The following HSPA14 variants were observed in gnomAD, a reference collection of about 807,000 sequenced individuals.
The protein encoded by HSPA14 is heat shock protein family A (Hsp70) member 14, also known as heat shock 70 kDa protein 14.
In HSPA14, 37 loss-of-function variants were observed where a neutral mutation model predicts 65.5. The observed-to-expected ratio is 0.56, with a 90% CI of 0.43 to 0.74. The LOEUF is 0.74. HSPA14 is among the 30% of genes least tolerant of loss of function. HSPA14 has a pLI of 0.00. For synonymous variants in HSPA14, 203 were observed against 214.2 expected (o/e 0.95, Z 0.46); for missense variants, 564 against 607.6 (o/e 0.93, Z 0.75).
At position 14,867,173 on chromosome 10, in the gene HSPA14, C is replaced by T; in HGVS notation, c.1084C>T (p.Pro362Ser). 1 of 1,613,248 alleles carries T rather than the reference C, an allele frequency of 6.2e-7. No individual in the cohort carries two copies. The highest frequency in any genetic ancestry group is 1.3e-5 in the African/African-American group (1 of 74,996). Residue 362 changes from proline to serine, a missense_variant, in exon 11 of 14, where the codon CCT becomes TCT. Physicochemically the swap from Pro to Ser is moderately conservative, Grantham distance 74. Coordinates refer to ENST00000378372, the MANE Select transcript of HSPA14 (RefSeq NM_016299.4). ...AGCTGTTGAGCTTCTCAATTCTATCCCTCCTGATGAAGTGATCCCTATTGG... is the reference window on the plus strand; with the variant it reads ...AGCTGTTGAGCTTCTCAATTCTATCTCTCCTGATGAAGTGATCCCTATTGG... Reference protein sequence around the residue: ...FPAVELLNSIPPDEVIPIGAA... With the variant: ...FPAVELLNSISPDEVIPIGAA...
At chr10:14,853,718 T>G (rs1214253788) in intron 8 of HSPA14, among the ~76,000 whole-genome samples, 1 of 151,904 alleles carries the variant, frequency 6.6e-6, no homozygotes, top group African/African-American at 2.4e-5. Flanking sequence ...CTAATTTATT[T>G]TATTTATTTA....
intron 10 of HSPA14, among the ~76,000 whole-genome samples, chr10:14,859,910 TAA>T (rs938448353): frequency 2.0e-5 from 3 of 152,222 alleles, no homozygotes; most frequent in African/African-American, 7.2e-5. Context: ...TCAACTTACA[TAA>T]AGTCTCATTT....
At chr10:14,857,903 G>A (rs1183725795) in intron 10 of HSPA14, among the ~76,000 whole-genome samples, 1 of 144,590 alleles carries the variant, frequency 6.9e-6, no homozygotes, top group Non-Finnish European at 1.5e-5. Context: ...TATATATTTT[G>A]TTTTTTTTTT....
intron 3 of HSPA14, among the ~76,000 whole-genome samples, chr10:14,847,292 A>G (rs1834067503): frequency 6.6e-6 from 1 of 152,218 alleles, no homozygotes; most frequent in Non-Finnish European, 1.5e-5. Flanking sequence ...CTTAAATTCT[A>G]AAGAAAACAG....
rs1279803339 is a variant in HSPA14 at position 14,842,713 on chromosome 10, G to A, written c.221+2556G>A. ...GAACCGGCATTCTAAAATCAAAAAG[G>A]ACTCAGGCAGCTGATCATCAGCCTA... On this transcript the variant is annotated intron_variant, in intron 3 of 13. Coordinates refer to ENST00000378372, the MANE Select transcript of HSPA14 (RefSeq NM_016299.4). The surrounding 1 kb of genome is among the most constrained non-coding windows in gnomAD (Gnocchi z 5.2). The A allele has an allele frequency of 2.0e-6, 3 of 1,536,478 alleles. No individual in the cohort carries two copies. Among genetic ancestry groups the A allele is most frequent in the Non-Finnish European group, 1.7e-6 (2 of 1,146,994 alleles).
At chr10:14,866,351 G>A (rs1434762690) in intron 10 of HSPA14, among the ~76,000 whole-genome samples, 1 of 152,154 alleles carries the variant, frequency 6.6e-6, no homozygotes, top group Non-Finnish European at 1.5e-5. Context: ...TCATCAGGTG[G>A]TCCTCTGCCT....
At chr10:14,838,952 G>A (rs12768577) in intron 1 of HSPA14, among the ~76,000 whole-genome samples, 1 of 152,188 alleles carries the variant, frequency 6.6e-6, no homozygotes, top group Non-Finnish European at 1.5e-5. Context: ...GAGGTACTTG[G>A]AGGCGGTGGT....
At chr10:14,840,385 T>G (rs1302236426) in intron 3 of HSPA14, among the ~76,000 whole-genome samples, 1 of 152,196 alleles carries the variant, frequency 6.6e-6, no homozygotes, top group Non-Finnish European at 1.5e-5. Context: ...ACAGGTCAAT[T>G]TGGTAATTTG....
rs781545534 is a variant in HSPA14 at position 14,867,864 on chromosome 10, G to A, written c.1335G>A (p.Glu445=). 7.4e-6 allele frequency: 12 copies of A among 1,614,058 alleles called. No individual in the cohort carries two copies. The East Asian group carries it at 2.0e-4, about 27-fold the overall frequency. The change falls in exon 12 of 14, where the codon GAG becomes GAA. Residue 445 remains glutamate, a synonymous_variant. Transcript: ENST00000378372. ...CTTCAGTGTGCCTTGAACTCTATGAGTCTGATGGGAAGAACTCTGCCAAAG... is the reference window on the plus strand; with the variant it reads ...CTTCAGTGTGCCTTGAACTCTATGAATCTGATGGGAAGAACTCTGCCAAAG... ...SISSVCLELY[E]SDGKNSAKEE... is the part of the protein sequence containing the mutation.
chr10:14,869,737 T>C (rs1191453982), intron 12 of HSPA14, among the ~76,000 whole-genome samples: 2 of 152,244 alleles, frequency 1.3e-5, no homozygotes, highest in Non-Finnish European at 2.9e-5. Context: ...TTTGTGTGTG[T>C]CTAAGAACCT....
Position 14,851,264 on chromosome 10 carries a change from C to T in HSPA14, c.513C>T (p.His171=), listed in dbSNP as rs761810912. 1.5e-5 allele frequency: 24 copies of T among 1,612,232 alleles called. No individual in the cohort carries two copies. The highest frequency in any genetic ancestry group is 3.3e-5 in the South Asian group (3 of 90,922). Residue 171 remains histidine, a synonymous_variant, in exon 7 of 14, where the codon CAC becomes CAT. Transcript: ENST00000378372. ...GATTTAATGTTTTGCGATTAATTCACGAACCGTCTGCAGCTCTTCTTGCTT... is the reference window on the plus strand; with the variant it reads ...GATTTAATGTTTTGCGATTAATTCATGAACCGTCTGCAGCTCTTCTTGCTT... ...AAGFNVLRLI[H]EPSAALLAYG...
Position 14,842,296 on chromosome 10 carries a change from C to T in HSPA14, c.221+2139C>T, listed in dbSNP as rs780595447. On this transcript the variant is annotated intron_variant, in intron 3 of 13. Transcript: ENST00000378372. The surrounding 1 kb of genome is among the most constrained non-coding windows in gnomAD (Gnocchi z 5.2). ...CTTTCCAACCCACAATGGCCAGTGC[C>T]AATAGCAGTGCGGGCATCCGGTGGT... is the stretch of plus-strand genomic sequence containing the variant. The T allele has an allele frequency of 2.0e-6, 3 of 1,535,772 alleles. No homozygotes were observed. The South Asian group carries it at 3.6e-5, about 18-fold the overall frequency.
chr10:14,854,387 A>G lies in HSPA14; in HGVS notation c.890+107A>G, dbSNP rs995093021. ...TTGTTTGTTTGTTTGAGATTTATCA[A>G]CCATCTATAATGTCTTCACTTTATT... On this transcript the variant is annotated intron_variant, in intron 9 of 13. Transcript: ENST00000378372. 4.5e-6 allele frequency: 4 copies of G among 890,484 alleles called. No individual in the cohort carries two copies. In the African/African-American group the frequency reaches 5.1e-5, roughly 11 times the overall value. The allele number at this position is 890,484 out of a possible 1,614,324, so 55.2% of individuals were successfully genotyped here.
chr10:14,869,367 G>C (rs1375028726), intron 12 of HSPA14, among the ~76,000 whole-genome samples: 2 of 151,416 alleles, frequency 1.3e-5, no homozygotes, highest in African/African-American at 4.9e-5. Flanking sequence ...CATGATTTCA[G>C]CTCACTGCAA....
At chr10:14,839,865 AC>A in intron 1 of HSPA14, 39 bp from the exon 2 acceptor site, 1 of 1,466,328 alleles carries the variant, frequency 6.8e-7, no homozygotes. Context: ...ACGTCTGAAT[AC>A]GTCTAATGAG....
At chr10:14,864,321 T>A (rs896509033) in intron 10 of HSPA14, among the ~76,000 whole-genome samples, 37 of 151,108 alleles carry the variant, frequency 2.4e-4, no homozygotes, top group Non-Finnish European at 4.7e-4. Context: ...ACTTACTTTT[T>A]TTTTTATTTT....
chr10:14,838,584 G>A (rs1833922858), intron 1 of HSPA14, 125 bp downstream of exon 1: 3 of 941,754 alleles, frequency 3.2e-6, no homozygotes, highest in Non-Finnish European at 4.6e-6. Context: ...GCGTTGCCGC[G>A]AGGACACTCC....
intron 3 of HSPA14, among the ~76,000 whole-genome samples, chr10:14,847,194 G>A (rs1834065935): frequency 6.6e-6 from 1 of 152,096 alleles, no homozygotes. Flanking sequence ...TAAGAGTTCT[G>A]TAAATTCTGT....
At chr10:14,839,755 G>T in intron 1 of HSPA14, 150 bp from the exon 2 acceptor site, 1 of 451,150 alleles carries the variant, frequency 2.2e-6, no homozygotes, top group East Asian at 3.6e-5. Flanking sequence ...CTATGAAAAC[G>T]AGGAAATTAA....
Sources: gnomAD v4.1 joint callset for allele counts (sites outside exome capture counted in the v4.1 genomes callset) on GRCh38, gnomAD v4.1.1 for gene constraint, Gnocchi (gnomAD v3.1) non-coding constraint, MANE v1.5 for transcripts, NCBI Gene and HGNC (gene_info 2026-07-23, HGNC 2026-07-21) for gene names.